The following PCDH7 variants were observed in gnomAD, a reference collection of about 807,000 sequenced individuals.
The protein encoded by PCDH7 is protocadherin 7.
PCDH7 carries 17 observed loss-of-function variants against 58.9 expected under a neutral mutation model. That is an observed-to-expected ratio of 0.29 (90% CI 0.20 to 0.43). PCDH7 has a LOEUF of 0.43. Ranked by LOEUF, PCDH7 falls within the 20% of genes least tolerant of loss-of-function variation. The pLI is 1.00. For synonymous variants in PCDH7, 664 were observed against 616.4 expected (o/e 1.08, Z -1.14); for missense variants, 1,274 against 1,441.0 (o/e 0.88, Z 1.88).
intron 3 of PCDH7, among the ~76,000 whole-genome samples, chr4:31,025,252 T>C (rs1754333719): frequency 6.6e-6 from 1 of 152,226 alleles, no homozygotes; most frequent in Non-Finnish European, 1.5e-5. Flanking sequence ...GTCTCACGTA[T>C]AGGACATGTT....
At chr4:31,054,267 T>G (rs1452825002) in intron 3 of PCDH7, among the ~76,000 whole-genome samples, 1 of 152,154 alleles carries the variant, frequency 6.6e-6, no homozygotes, top group East Asian at 1.9e-4. Context: ...CGTCCGGCCC[T>G]TGGAACAACT....
At chr4:31,017,386 G>C (rs1328582712) in intron 3 of PCDH7, among the ~76,000 whole-genome samples, 1 of 152,130 alleles carries the variant, frequency 6.6e-6, no homozygotes, top group Non-Finnish European at 1.5e-5. Flanking sequence ...CAAGGACTTT[G>C]TTAGCTGTTT....
chr4:30,955,643 G>A (rs1747783265), intron 3 of PCDH7, among the ~76,000 whole-genome samples: 1 of 151,802 alleles, frequency 6.6e-6, no homozygotes, highest in Non-Finnish European at 1.5e-5. Flanking sequence ...CCGCCTCATG[G>A]GTTCAAGGGA....
intron 3 of PCDH7, among the ~76,000 whole-genome samples, chr4:31,052,857 G>T (rs1297490991): frequency 1.3e-5 from 2 of 152,194 alleles, no homozygotes; most frequent in African/African-American, 2.4e-5. Context: ...ATCAAACCTT[G>T]TCCCTTCAGA....
At chr4:31,079,651 A>G (rs1759336280) in intron 3 of PCDH7, among the ~76,000 whole-genome samples, 1 of 151,852 alleles carries the variant, frequency 6.6e-6, no homozygotes, top group African/African-American at 2.4e-5. Flanking sequence ...TAGCTGGTAA[A>G]GTTCTAGATA....
chr4:31,096,818 T>C (rs1275659580), intron 3 of PCDH7, among the ~76,000 whole-genome samples: 1 of 152,172 alleles, frequency 6.6e-6, no homozygotes, highest in Non-Finnish European at 1.5e-5. Flanking sequence ...TTTATTGTGC[T>C]CTTGGACAGA....
intron 3 of PCDH7, among the ~76,000 whole-genome samples, chr4:31,002,166 C>T (rs1446547513): frequency 6.6e-6 from 1 of 152,184 alleles, no homozygotes; most frequent in Non-Finnish European, 1.5e-5. Context: ...AATGCACACA[C>T]TTGGAAAATA....
chr4:31,117,249 T>C (rs1332853229), intron 3 of PCDH7, among the ~76,000 whole-genome samples: 1 of 152,162 alleles, frequency 6.6e-6, no homozygotes, highest in Admixed American at 6.6e-5. Context: ...TTAAAGATGC[T>C]CTGGAATCTG....
chr4:30,778,325 T>A (rs1404606947), intron 1 of PCDH7, among the ~76,000 whole-genome samples: 1 of 152,124 alleles, frequency 6.6e-6, no homozygotes, highest in East Asian at 1.9e-4. Flanking sequence ...TTTTTTTTGT[T>A]CTGTTGAGAA....
At chr4:30,755,464 A>T (rs1719173320) in intron 1 of PCDH7, among the ~76,000 whole-genome samples, 1 of 152,152 alleles carries the variant, frequency 6.6e-6, no homozygotes, top group Non-Finnish European at 1.5e-5. Context: ...AGAGGCCTCT[A>T]GCCTTGAGGC....
Position 30,914,502 on chromosome 4 carries a change from T to A in PCDH7, c.71-5651T>A, listed in dbSNP as rs201149304. On this transcript the variant is annotated intron_variant, in intron 1 of 3. Coordinates refer to the PCDH7 transcript ENST00000509759. ...AGCTTTTAAAAATGTTGAGTATTAT[T>A]GTATGTACATATTTGCATTACAAAT... 1.2e-4 allele frequency among the ~76,000 whole-genome samples: 19 copies of A among 152,326 alleles called. No homozygotes were observed. The East Asian group carries it at 1.5e-3, about 12-fold the overall frequency.
chr4:30,771,670 A>C (rs1286304399), intron 1 of PCDH7, among the ~76,000 whole-genome samples: 1 of 152,224 alleles, frequency 6.6e-6, no homozygotes. Context: ...TTGTAACTTT[A>C]AGATTTTAAC....
chr4:30,978,919 A>G (rs1035498101), intron 3 of PCDH7, among the ~76,000 whole-genome samples: 6 of 152,172 alleles, frequency 3.9e-5, no homozygotes, highest in Non-Finnish European at 5.9e-5. Context: ...GGCGAGATAA[A>G]TTAATTATTA....
At chr4:31,142,507 G>A (rs372979435) in exon 4 of PCDH7, 14 of 1,367,600 alleles carry the variant, frequency 1.0e-5, no homozygotes, top group African/African-American at 3.0e-5. Context: ...CCCTGACTGG[G>A]AAGTGCACTC....
At chr4:30,901,116 A>G (rs993328778) in intron 1 of PCDH7, among the ~76,000 whole-genome samples, 3 of 152,182 alleles carry the variant, frequency 2.0e-5, no homozygotes, top group Non-Finnish European at 2.9e-5. Flanking sequence ...AGCTTTAAAA[A>G]ACAACACCCA....
chr4:30,926,398 A>G (rs1457384693), intron 2 of PCDH7, among the ~76,000 whole-genome samples: 4 of 152,032 alleles, frequency 2.6e-5, no homozygotes, highest in Admixed American at 2.0e-4. Flanking sequence ...GTTAGCTAGG[A>G]TGGTCTCCAA....
intron 1 of PCDH7, among the ~76,000 whole-genome samples, chr4:30,917,857 G>GATTCCAAAATT (rs1472847161): frequency 3.9e-5 from 6 of 152,042 alleles, no homozygotes; most frequent in African/African-American, 1.2e-4. Flanking sequence ...TTTAAGCACA[G>GATTCCAAAATT]ATTCCAAAAT....
chr4:31,131,303 C>T (rs1233106467), intron 3 of PCDH7, among the ~76,000 whole-genome samples: 1 of 152,078 alleles, frequency 6.6e-6, no homozygotes, highest in East Asian at 1.9e-4. Context: ...TAAACTGATC[C>T]AGTGTTGCTT....
rs192052907 is a variant in PCDH7, at chr4:31,078,735, A to G, written c.*8-63738A>G. Among the ~76,000 whole-genome samples the G allele has an allele frequency of 8.3e-4, 123 of 148,278 alleles. 1 individual carries two copies. The highest frequency in any genetic ancestry group is 1.5e-3 in the Non-Finnish European group (103 of 67,666). On this transcript the variant is annotated intron_variant, in intron 3 of 3. Transcript: ENST00000509759. ...AATCCCAAAATTTGTTTGGAATATT[A>G]CAAGTCCAAAAGTTGGCAATATAAA...
Sources: gnomAD v4.1 joint callset for allele counts (sites outside exome capture counted in the v4.1 genomes callset) on GRCh38, gnomAD v4.1.1 for gene constraint, MANE v1.5 for transcripts, NCBI Gene and HGNC (gene_info 2026-07-23, HGNC 2026-07-21) for gene names.